AOAH: variants seen among roughly 807,000 people sequenced by gnomAD.
AOAH encodes the protein acyloxyacyl hydrolase.
A neutral mutation model predicts 92.2 loss-of-function variants in AOAH; 64 were observed. The ratio of observed to expected loss-of-function variants is 0.69; its 90% CI spans 0.57 to 0.86. The LOEUF (loss-of-function observed/expected upper bound fraction) is 0.86. Ranked by LOEUF, AOAH falls within the 40% of genes least tolerant of loss-of-function variation. AOAH has a pLI of 0.00. For synonymous variants in AOAH, 263 were observed against 254.5 expected, an observed-to-expected ratio of 1.03 and a Z score of -0.32; for missense variants, 656 against 694.6, an observed-to-expected ratio of 0.94 and a Z score of 0.62.
chr7:36,549,919 A>G (rs1372567047), intron 13 of AOAH, among the ~76,000 whole-genome samples: 1 of 152,150 alleles, frequency 6.6e-6, no homozygotes, highest in East Asian at 1.9e-4. Flanking sequence ...TCCTCCTATT[A>G]TTCTTGCACA....
intron 3 of AOAH, among the ~76,000 whole-genome samples, chr7:36,662,161 G>A (rs1795252414): frequency 1.3e-5 from 2 of 152,134 alleles, no homozygotes; most frequent in Admixed American, 1.3e-4. Flanking sequence ...ACAGAAAGGG[G>A]GGCCACCTTG....
intron 6 of AOAH, among the ~76,000 whole-genome samples, chr7:36,630,227 T>G (rs1354539541): frequency 5.3e-5 from 8 of 152,220 alleles, no homozygotes; most frequent in Non-Finnish European, 1.2e-4. Flanking sequence ...TTTCTGTTGT[T>G]CTAAGCCACC....
intron 13 of AOAH, among the ~76,000 whole-genome samples, chr7:36,549,698 A>C (rs1251305574): frequency 6.6e-6 from 1 of 152,228 alleles, no homozygotes; most frequent in Admixed American, 6.5e-5. Context: ...GCAGTATATT[A>C]ACAAAACCAA....
chr7:36,526,621 T>C (rs570823603), intron 19 of AOAH, among the ~76,000 whole-genome samples: 1 of 152,362 alleles, frequency 6.6e-6, no homozygotes, highest in South Asian at 2.1e-4. Flanking sequence ...TCAGAATATC[T>C]GGATTAAGTT....
intron 1 of AOAH, among the ~76,000 whole-genome samples, chr7:36,692,513 T>C (rs760260034): frequency 5.9e-5 from 9 of 151,972 alleles, no homozygotes; most frequent in Non-Finnish European, 1.3e-4. Context: ...GCCAAGAACA[T>C]TGTCAACCAG....
chr7:36,540,221 G>T (rs1177183674), intron 16 of AOAH, 98 bp downstream of exon 16: 2 of 1,163,386 alleles, frequency 1.7e-6, no homozygotes, highest in East Asian at 5.3e-5. Context: ...TTCCATGATG[G>T]CATTTTAGGC....
chr7:36,696,934 G>A (rs527809873), intron 1 of AOAH, among the ~76,000 whole-genome samples: 7 of 151,832 alleles, frequency 4.6e-5, no homozygotes, highest in African/African-American at 1.4e-4. Flanking sequence ...AGTTCTAGTA[G>A]TTTTTTTTGT....
intron 3 of AOAH, among the ~76,000 whole-genome samples, chr7:36,659,926 C>G (rs865809673): frequency 6.6e-6 from 1 of 152,016 alleles, no homozygotes; most frequent in Non-Finnish European, 1.5e-5. Flanking sequence ...CAGCCAGTCC[C>G]TGCCTTAACT....
At chr7:36,554,348 T>C (rs1454742279) in intron 13 of AOAH, among the ~76,000 whole-genome samples, 2 of 152,242 alleles carry the variant, frequency 1.3e-5, no homozygotes, top group Admixed American at 1.3e-4. Flanking sequence ...TCTATATCTC[T>C]GTTTTGGTAC....
chr7:36,685,727 A>G (rs1483016678), intron 2 of AOAH, among the ~76,000 whole-genome samples: 1 of 152,212 alleles, frequency 6.6e-6, no homozygotes, highest in Non-Finnish European at 1.5e-5. Context: ...CCATGTTTTA[A>G]CTTCACAAAA....
At chr7:36,637,160 C>A (rs868688823) in intron 5 of AOAH, among the ~76,000 whole-genome samples, 1 of 152,084 alleles carries the variant, frequency 6.6e-6, no homozygotes, top group East Asian at 1.9e-4. Context: ...ATCTGTTGAA[C>A]GAGAGTGTTA....
chr7:36,688,333 A>G (rs1043104063), intron 1 of AOAH, among the ~76,000 whole-genome samples: 1 of 152,224 alleles, frequency 6.6e-6, no homozygotes, highest in Non-Finnish European at 1.5e-5. Flanking sequence ...GATAATAAAC[A>G]TCACTCAACC....
intron 13 of AOAH, among the ~76,000 whole-genome samples, chr7:36,571,089 G>A (rs566773321): frequency 6.6e-6 from 1 of 152,266 alleles, no homozygotes; most frequent in South Asian, 2.1e-4. Context: ...GGGCATAGGG[G>A]CATGAGATCA....
intron 4 of AOAH, among the ~76,000 whole-genome samples, chr7:36,645,738 T>C (rs892827486): frequency 5.3e-5 from 8 of 151,780 alleles, no homozygotes; most frequent in African/African-American, 1.7e-4. Flanking sequence ...CTTTAAATTA[T>C]ATGCAAAAAA....
Position 36,530,474 on chromosome 7 carries a change from G to C in AOAH, c.1466C>G (p.Ala489Gly). The C allele has an allele frequency of 6.2e-7, 1 of 1,613,858 alleles. No individual in the cohort carries two copies. The highest frequency in any genetic ancestry group is 2.2e-5 in the East Asian group (1 of 44,880). The change falls in exon 19 of 21, where the codon GCC becomes GGC. Residue 489 changes from alanine to glycine, a missense_variant. Transcript: ENST00000617537. Reference sequence around the variant, plus strand: ...ATTGAAGTTTGTAAATTTCTCACTGGCTGCAATTTTTTTCAGTGTGTTGGA... The same window carrying C: ...ATTGAAGTTTGTAAATTTCTCACTGCCTGCAATTTTTTTCAGTGTGTTGGA... Reference protein sequence around the residue: ...QLSNTLKKIAASEKFTNFNLF... With the variant: ...QLSNTLKKIAGSEKFTNFNLF...
At chr7:36,616,240 G>A in intron 11 of AOAH, 140 bp downstream of exon 11, 2 of 662,450 alleles carry the variant, frequency 3.0e-6, no homozygotes, top group South Asian at 1.8e-5. Flanking sequence ...TGAAATGACT[G>A]TGGATATGCC....
chr7:36,663,502 C>T (rs6943351), intron 3 of AOAH, among the ~76,000 whole-genome samples: 27,460 of 152,146 alleles, frequency 0.18, 2,868 homozygotes, highest in Non-Finnish European at 0.24. Flanking sequence ...CTGGTAACCA[C>T]GGATATCTTT....
rs571849151 is a variant in AOAH at position 36,707,846 on chromosome 7, C to CTTT, written c.127+16173_127+16175dup. ...TAGGCTAATGTTTTTCTTTTCTTTT[C>CTTT]TTTTCTTTTCTTTTTCTTTTAAACA... On this transcript the variant is annotated intron_variant, in intron 1 of 20. Transcript: ENST00000617537. Among the ~76,000 whole-genome samples, 4 of 142,722 alleles carry CTTT rather than the reference C, an allele frequency of 2.8e-5. No individual in the cohort carries two copies. In the South Asian group the frequency reaches 9.0e-4, roughly 32 times the overall value. The allele number at this position is 142,722 out of a possible 152,430, so 93.6% of individuals were successfully genotyped here.
chr7:36,705,266 G>C (rs1030230256), intron 1 of AOAH, among the ~76,000 whole-genome samples: 24 of 152,138 alleles, frequency 1.6e-4, no homozygotes, highest in Non-Finnish European at 1.9e-4. Context: ...AACTCCTTAA[G>C]CTGATAAGCA....
Sources: gnomAD v4.1 joint callset for allele counts (sites outside exome capture counted in the v4.1 genomes callset) on GRCh38, gnomAD v4.1.1 for gene constraint, MANE v1.5 for transcripts, NCBI Gene and HGNC (gene_info 2026-07-23, HGNC 2026-07-21) for gene names.